SOX5: variants seen among roughly 807,000 people sequenced by gnomAD.
The protein encoded by SOX5 is SRY-box transcription factor 5.
SOX5 carries 9 observed loss-of-function variants against 92.0 expected under a neutral mutation model. The observed-to-expected ratio is 0.10, with a 90% confidence interval of 0.06 to 0.17. The LOEUF is 0.17. Ranked by LOEUF, SOX5 falls within the 10% of genes least tolerant of loss-of-function variation. SOX5 has a pLI of 1.00. For missense variants in SOX5, 642 were observed against 944.5 expected, an observed-to-expected ratio of 0.68 and a Z score of 4.20; for synonymous variants, 344 against 336.3, an observed-to-expected ratio of 1.02 and a Z score of -0.25.
chr12:23,979,701 T>TTTG (rs1949326837), intron 4 of SOX5, among the ~76,000 whole-genome samples: 1 of 80,686 alleles, frequency 1.2e-5, no homozygotes. Flanking sequence ...TATATATGTT[T>TTTG]TTTTTGTTTT....
At chr12:24,181,256 T>C (rs559875370) in intron 4 of SOX5, among the ~76,000 whole-genome samples, 1 of 152,316 alleles carries the variant, frequency 6.6e-6, no homozygotes, top group East Asian at 1.9e-4. Context: ...TTCCATGAAA[T>C]GCAAATTAGA....
At chr12:23,543,965 C>T (rs1942636439) in intron 12 of SOX5, among the ~76,000 whole-genome samples, 1 of 152,178 alleles carries the variant, frequency 6.6e-6, no homozygotes, top group South Asian at 2.1e-4. Context: ...CTGACAAATG[C>T]ATGACATATG....
At chr12:23,664,528 A>G (rs1043110818) in intron 7 of SOX5, among the ~76,000 whole-genome samples, 1 of 152,128 alleles carries the variant, frequency 6.6e-6, no homozygotes, top group Non-Finnish European at 1.5e-5. Flanking sequence ...GCCCCTCTTT[A>G]GAATGTGTTA....
Position 23,880,386 on chromosome 12 carries a change from A to G in SOX5, c.270+15407T>C, listed in dbSNP as rs116784715. On this transcript the variant is annotated intron_variant, in intron 2 of 14. Coordinates refer to ENST00000451604, the MANE Select transcript of SOX5 (RefSeq NM_006940.6). ...ACCCCTTCCTTTGACTCAAATTCCA[A>G]TAGCACTTACTGAGTAAGAAAATTA... Among the ~76,000 whole-genome samples, 475 of 152,274 alleles carry G rather than the reference A, an allele frequency of 3.1e-3. 1 individual carries two copies. Among genetic ancestry groups the G allele is most frequent in the African/African-American group, 0.011 (469 of 41,554 alleles).
chr12:23,641,633 T>C (rs1207854661), intron 7 of SOX5, among the ~76,000 whole-genome samples: 3 of 152,036 alleles, frequency 2.0e-5, no homozygotes, highest in East Asian at 1.9e-4. Context: ...GAGAAGCACA[T>C]AGAGAAGGTT....
intron 4 of SOX5, among the ~76,000 whole-genome samples, chr12:24,060,345 C>A (rs896037698): frequency 6.6e-6 from 1 of 152,180 alleles, no homozygotes; most frequent in African/African-American, 2.4e-5. Flanking sequence ...GGAATTGCAC[C>A]TATGCGCTTG....
rs1212357014 is a variant in SOX5, at chr12:23,628,949, G to A, written c.1017+11863C>T. On this transcript the variant is annotated intron_variant, in intron 8 of 14. Coordinates refer to ENST00000451604, the MANE Select transcript of SOX5 (RefSeq NM_006940.6). ...CTCTCAGAACAGTTCATTCATGACTGCAACGTCTTATCTGCATGATTATAT... is the reference window on the plus strand; with the variant it reads ...CTCTCAGAACAGTTCATTCATGACTACAACGTCTTATCTGCATGATTATAT... 2.0e-5 allele frequency among the ~76,000 whole-genome samples: 3 copies of A among 151,984 alleles called. No individual in the cohort carries two copies. The East Asian group carries it at 5.8e-4, about 29-fold the overall frequency.
intron 10 of SOX5, among the ~76,000 whole-genome samples, chr12:23,566,339 T>G (rs796624121): frequency 6.6e-5 from 10 of 152,208 alleles, no homozygotes; most frequent in African/African-American, 2.4e-4. Flanking sequence ...CCCTCCTTAC[T>G]CTCCAGTTCT....
chr12:23,549,640 C>T (rs1943803073), intron 11 of SOX5, among the ~76,000 whole-genome samples: 1 of 151,884 alleles, frequency 6.6e-6, no homozygotes, highest in Non-Finnish European at 1.5e-5. Context: ...AGATTAATTA[C>T]AACAAAGTAG....
intron 2 of SOX5, among the ~76,000 whole-genome samples, chr12:23,865,499 C>T (rs1006437175): frequency 3.3e-5 from 5 of 152,056 alleles, no homozygotes; most frequent in African/African-American, 9.7e-5. Flanking sequence ...CATGGTGACA[C>T]CCCATCTCTA....
At chr12:23,709,719 T>C (rs2091848055) in intron 6 of SOX5, among the ~76,000 whole-genome samples, 1 of 152,210 alleles carries the variant, frequency 6.6e-6, no homozygotes, top group South Asian at 2.1e-4. Context: ...TTGTGTATGG[T>C]ATGTGTTTGT....
chr12:24,522,084 A>C (rs1165546431), intron 1 of SOX5, among the ~76,000 whole-genome samples: 1 of 152,042 alleles, frequency 6.6e-6, no homozygotes, highest in African/African-American at 2.4e-5. Context: ...GAAATAAAGG[A>C]AGAGACATTA....
At chr12:23,775,908 G>A (rs936665837) in intron 3 of SOX5, among the ~76,000 whole-genome samples, 6 of 152,072 alleles carry the variant, frequency 3.9e-5, no homozygotes, top group Admixed American at 2.6e-4. Context: ...TTTTTGGCAC[G>A]AGGAACCAGT....
chr12:23,585,210 A>G (rs1343130374), intron 9 of SOX5, among the ~76,000 whole-genome samples: 1 of 152,190 alleles, frequency 6.6e-6, no homozygotes, highest in Admixed American at 6.5e-5. Flanking sequence ...GTATCCCTCC[A>G]TATTTAAATC....
intron 4 of SOX5, among the ~76,000 whole-genome samples, chr12:24,095,150 G>GAGAC (rs1945234576): frequency 6.7e-6 from 1 of 149,718 alleles, no homozygotes; most frequent in Non-Finnish European, 1.5e-5. Context: ...GAGAGAGAGA[G>GAGAC]AGAGAGACAG....
chr12:23,979,713 T>G lies in SOX5; in HGVS notation c.-1-83689A>C, dbSNP rs1229868566. 1.5e-4 allele frequency among the ~76,000 whole-genome samples: 16 copies of G among 108,116 alleles called. No homozygotes were observed. The East Asian group carries it at 2.4e-3, about 16-fold the overall frequency. The allele number at this position is 108,116 out of a possible 152,430, so 70.9% of individuals were successfully genotyped here. On this transcript the variant is annotated intron_variant, in intron 4 of 4. Transcript: ENST00000446891. ...ATATATATATGTTTTTTTTGTTTTT[T>G]TTTTTTTTTTTTTTTTTTTTTGGAG...
chr12:24,191,793 C>T (rs532929215), intron 4 of SOX5, among the ~76,000 whole-genome samples: 2 of 152,104 alleles, frequency 1.3e-5, no homozygotes, highest in East Asian at 3.9e-4. Flanking sequence ...GCCTGTGTGT[C>T]CTAGATATGG....
At chr12:23,761,548 A>G (rs767843391) in intron 3 of SOX5, among the ~76,000 whole-genome samples, 1 of 152,118 alleles carries the variant, frequency 6.6e-6, no homozygotes, top group Admixed American at 6.6e-5. Flanking sequence ...TTTACAGACT[A>G]AAAAAGTACC....
chr12:24,251,565 G>GT (rs1214717783), intron 3 of SOX5, among the ~76,000 whole-genome samples: 7 of 143,544 alleles, frequency 4.9e-5, no homozygotes, highest in Non-Finnish European at 6.2e-5. Context: ...GATGGTTAGG[G>GT]TTTTTTGTTT....
Sources: allele counts gnomAD v4.1 joint callset (sites outside exome capture counted in the v4.1 genomes callset), GRCh38; gene constraint gnomAD v4.1.1; transcripts MANE v1.5; gene names NCBI Gene and HGNC (gene_info 2026-07-23, HGNC 2026-07-21).